MTREX: variants seen among roughly 807,000 people sequenced by gnomAD.
MTREX encodes Mtr4 exosome RNA helicase, also known as exosome RNA helicase MTR4.
In MTREX, 76 loss-of-function variants were observed where a neutral mutation model predicts 135.4. That is an observed-to-expected ratio of 0.56 (90% CI 0.47 to 0.68). The LOEUF (loss-of-function observed/expected upper bound fraction) is 0.68. MTREX is among the 30% of genes least tolerant of loss of function. MTREX has a pLI of 0.00. For synonymous variants in MTREX, 404 were observed against 401.6 expected (o/e 1.01, Z -0.07); for missense variants, 920 against 1,262.1 (o/e 0.73, Z 4.11).
rs1294455399 is a variant in MTREX, at chr5:55,388,100, C to A, written c.2179C>A (p.Gln727Lys). The A allele has an allele frequency of 6.2e-7, 1 of 1,600,232 alleles. No homozygotes were observed. The highest frequency in any genetic ancestry group is 8.5e-7 in the Non-Finnish European group (1 of 1,171,558). ...PAKPDEKGEM[Q>K]VVPVLVHLLS... ...TAAACCTGATGAGAAAGGAGAGATG[C>A]AGGTTTGTACATAACTTTCTGTCTT... Residue 727 changes from glutamine to lysine, a missense_variant and splice_region_variant, in exon 19 of 27, where the codon CAG becomes AAG. Around this residue, in one of 6 missense-constraint regions of MTREX, gnomAD observed 467 missense variants for 589.7 expected, o/e 0.79. Coordinates refer to ENST00000230640, the MANE Select transcript of MTREX (RefSeq NM_015360.5).
chr5:55,424,660 A>G, intron 26 of MTREX, 60 bp from the exon 27 acceptor site: 1 of 1,252,408 alleles, frequency 8.0e-7, no homozygotes, highest in East Asian at 2.3e-5. Flanking sequence ...AAATTTCGGT[A>G]GAGGCAAGTT....
intron 21 of MTREX, among the ~76,000 whole-genome samples, chr5:55,404,122 G>T (rs149412672): frequency 1.3e-5 from 2 of 152,298 alleles, no homozygotes; most frequent in African/African-American, 2.4e-5. Flanking sequence ...AATATCAGTT[G>T]CTGATCACCT....
At chr5:55,312,397 G>T (rs1341255520) in intron 1 of MTREX, among the ~76,000 whole-genome samples, 1 of 150,836 alleles carries the variant, frequency 6.6e-6, no homozygotes, top group Non-Finnish European at 1.5e-5. Context: ...TTACTCCTTT[G>T]CACTTATTTC....
chr5:55,308,219 G>T, intron 1 of MTREX, 72 bp downstream of exon 1: 2 of 1,490,592 alleles, frequency 1.3e-6, no homozygotes, highest in Non-Finnish European at 1.8e-6. Context: ...TACTCTCTTA[G>T]GAAGAGCACG....
At chr5:55,315,695 G>T (rs1749187358) in intron 1 of MTREX, among the ~76,000 whole-genome samples, 1 of 151,848 alleles carries the variant, frequency 6.6e-6, no homozygotes. Context: ...AACTAAGAAG[G>T]TGGTTGTTCT....
intron 25 of MTREX, among the ~76,000 whole-genome samples, chr5:55,420,748 T>G (rs530620416): frequency 1.2e-4 from 19 of 152,266 alleles, no homozygotes; most frequent in African/African-American, 4.3e-4. Flanking sequence ...CAAGGTTTTT[T>G]GGGGGTGGTA....
chr5:55,314,411 A>C (rs6890761), intron 1 of MTREX, among the ~76,000 whole-genome samples: 1,665 of 152,326 alleles, frequency 0.011, 26 homozygotes, highest in African/African-American at 0.037. Flanking sequence ...TGGATCATCC[A>C]GTTGGGACCG....
intron 19 of MTREX, among the ~76,000 whole-genome samples, chr5:55,397,082 AG>A: frequency 6.6e-6 from 1 of 152,232 alleles, no homozygotes; most frequent in East Asian, 1.9e-4. Context: ...TTAGTACTAT[AG>A]TACCTTTATG....
chr5:55,338,786 C>CTTTTTTTTTTTTTTTTT (rs67612518), intron 5 of MTREX, among the ~76,000 whole-genome samples: 10 of 92,258 alleles, frequency 1.1e-4, no homozygotes, highest in East Asian at 3.5e-4. Flanking sequence ...CTTTCTTTTT[C>CTTTTTTTTTTTTTTTTT]TTTTTTTTTT....
At chr5:55,379,911 C>G (rs898841850) in intron 18 of MTREX, among the ~76,000 whole-genome samples, 2 of 152,074 alleles carry the variant, frequency 1.3e-5, no homozygotes, top group African/African-American at 4.8e-5. Context: ...TTCCTTTCAC[C>G]TTAGGTTTTA....
intron 25 of MTREX, among the ~76,000 whole-genome samples, chr5:55,417,865 A>C (rs756465756): frequency 6.6e-6 from 1 of 152,178 alleles, no homozygotes; most frequent in Non-Finnish European, 1.5e-5. Context: ...ATGACATAAA[A>C]CAATAGTGGT....
intron 16 of MTREX, among the ~76,000 whole-genome samples, chr5:55,371,708 T>C (rs78286418): frequency 0.18 from 27,718 of 152,100 alleles, 2,642 homozygotes; most frequent in Admixed American, 0.19. Flanking sequence ...GTTTTCTAAT[T>C]TGTTACATGT....
chr5:55,371,075 G>A (rs1750187100), intron 16 of MTREX, among the ~76,000 whole-genome samples: 1 of 152,066 alleles, frequency 6.6e-6, no homozygotes, highest in Non-Finnish European at 1.5e-5. Flanking sequence ...CTTAATCTTA[G>A]TCTTTTTATT....
intron 15 of MTREX, among the ~76,000 whole-genome samples, chr5:55,360,436 A>G (rs1749989273): frequency 6.6e-6 from 1 of 151,402 alleles, no homozygotes; most frequent in Admixed American, 6.6e-5. Context: ...CTTTACTTGA[A>G]TATGTGTTTT....
chr5:55,334,800 A>C (rs935600276), intron 5 of MTREX, among the ~76,000 whole-genome samples: 12 of 152,030 alleles, frequency 7.9e-5, no homozygotes, highest in African/African-American at 2.9e-4. Flanking sequence ...ACTGATGTAA[A>C]CATTCATGTG....
intron 5 of MTREX, among the ~76,000 whole-genome samples, chr5:55,329,761 A>G (rs1256397159): frequency 6.6e-6 from 1 of 152,130 alleles, no homozygotes; most frequent in Admixed American, 6.5e-5. Flanking sequence ...TACTCTGTAC[A>G]TAATGTGTCT....
chr5:55,381,496 C>T (rs1750395739), intron 18 of MTREX, among the ~76,000 whole-genome samples: 1 of 152,128 alleles, frequency 6.6e-6, no homozygotes, highest in African/African-American at 2.4e-5. Flanking sequence ...TCTAATTTCC[C>T]TTTTGATTTC....
intron 12 of MTREX, 27 bp downstream of exon 12, chr5:55,349,679 A>G: frequency 8.2e-7 from 1 of 1,220,580 alleles, no homozygotes; most frequent in Non-Finnish European, 1.2e-6. Context: ...AGTAGATAAA[A>G]GTGTAGATAA....
At chr5:55,410,671 CAT>C in intron 23 of MTREX, 42 bp downstream of exon 23, 2 of 1,200,284 alleles carry the variant, frequency 1.7e-6, no homozygotes, top group African/African-American at 1.5e-5. Flanking sequence ...TTAATTCACA[CAT>C]CATGTAGTTA....
Sources: gnomAD v4.1 joint callset for allele counts (sites outside exome capture counted in the v4.1 genomes callset) on GRCh38, gnomAD v4.1.1 for gene constraint, gnomAD v4.1.1 regional missense constraint, MANE v1.5 for transcripts, NCBI Gene and HGNC (gene_info 2026-07-23, HGNC 2026-07-21) for gene names.